The following PDGFRA variants were observed in gnomAD, a reference collection of about 807,000 sequenced individuals.
PDGFRA encodes platelet-derived growth factor receptor alpha.
Under a neutral mutation model 121.5 loss-of-function variants are expected in PDGFRA, and 25 were observed. That is an observed-to-expected ratio of 0.21 (90% CI 0.15 to 0.29). The LOEUF is 0.29. Ranked by LOEUF, PDGFRA falls within the 10% of genes least tolerant of loss-of-function variation. PDGFRA has a pLI of 1.00. For synonymous variants in PDGFRA, 463 were observed against 494.8 expected, an observed-to-expected ratio of 0.94 and a Z score of 0.85; for missense variants, 1,008 against 1,345.1, an observed-to-expected ratio of 0.75 and a Z score of 3.92.
chr4:54,235,645 G>A (rs1720966885), intron 1 of PDGFRA, among the ~76,000 whole-genome samples: 1 of 152,210 alleles, frequency 6.6e-6, no homozygotes, highest in African/African-American at 2.4e-5. Flanking sequence ...GCTGGTGTGG[G>A]CTGAATCAGA....
intron 16 of PDGFRA, among the ~76,000 whole-genome samples, chr4:54,284,675 C>CT (rs2110333627): frequency 6.6e-6 from 1 of 151,644 alleles, no homozygotes; most frequent in Admixed American, 6.6e-5. Flanking sequence ...GGGGATGGTG[C>CT]TAAACCATTT....
chr4:54,285,627 G>A (rs776150907), intron 17 of PDGFRA, 141 bp downstream of exon 17: 36 of 734,658 alleles, frequency 4.9e-5, no homozygotes, highest in African/African-American at 6.9e-5. Flanking sequence ...CATCCCCTAC[G>A]CAGGTCAGGG....
intron 16 of PDGFRA, 124 bp downstream of exon 16, chr4:54,280,606 A>G: frequency 1.3e-6 from 1 of 759,382 alleles, no homozygotes; most frequent in Non-Finnish European, 2.3e-6. Flanking sequence ...TGGTCTCTAA[A>G]TGCAGGTCTG....
intron 1 of PDGFRA, among the ~76,000 whole-genome samples, chr4:54,256,338 C>T (rs1484084671): frequency 2.6e-5 from 4 of 152,008 alleles, no homozygotes; most frequent in Non-Finnish European, 4.4e-5. Flanking sequence ...GGGGTTCAAG[C>T]GATTCTCCTG....
At chr4:54,238,541 A>G (rs1254776333) in intron 1 of PDGFRA, among the ~76,000 whole-genome samples, 1 of 152,208 alleles carries the variant, frequency 6.6e-6, no homozygotes, top group Non-Finnish European at 1.5e-5. Context: ...TTCATCTTGA[A>G]TAGGGCCTAG....
intron 1 of PDGFRA, among the ~76,000 whole-genome samples, chr4:54,257,677 A>G (rs1417281957): frequency 6.6e-6 from 1 of 152,088 alleles, no homozygotes; most frequent in African/African-American, 2.4e-5. Context: ...GTTCCTTCTC[A>G]CTGACTTCAC....
intron 15 of PDGFRA, chr4:54,279,027 TTGG>T (rs1345696688): frequency 1.4e-5 from 5 of 348,296 alleles, no homozygotes; most frequent in Non-Finnish European, 2.9e-5. Context: ...AATAAATTAC[TTGG>T]TGGACACCAA....
chr4:54,253,235 G>A (rs1391686302), intron 1 of PDGFRA, among the ~76,000 whole-genome samples: 4 of 152,150 alleles, frequency 2.6e-5, no homozygotes, highest in Non-Finnish European at 5.9e-5. Context: ...AATATTATGG[G>A]AGTCTGCAGA....
At chr4:54,294,592 C>G (rs1376652612) in intron 22 of PDGFRA, among the ~76,000 whole-genome samples, 4 of 151,996 alleles carry the variant, frequency 2.6e-5, no homozygotes, top group Non-Finnish European at 5.9e-5. Context: ...TCAGCCACTT[C>G]TCTAGTACGT....
intron 1 of PDGFRA, among the ~76,000 whole-genome samples, chr4:54,257,768 A>T (rs1383213952): frequency 6.6e-6 from 1 of 152,144 alleles, no homozygotes; most frequent in Non-Finnish European, 1.5e-5. Flanking sequence ...TAAAGAAGAG[A>T]GGTCTTTTCA....
intron 17 of PDGFRA, 150 bp downstream of exon 17, chr4:54,285,636 G>A (rs1560489155): frequency 1.3e-6 from 1 of 740,960 alleles, no homozygotes; most frequent in South Asian, 1.5e-5. Context: ...CGCAGGTCAG[G>A]GAGTCTGAAA....
intron 1 of PDGFRA, among the ~76,000 whole-genome samples, chr4:54,244,093 T>C (rs1484150349): frequency 6.6e-6 from 1 of 152,108 alleles, no homozygotes; most frequent in African/African-American, 2.4e-5. Flanking sequence ...CCACCACAGC[T>C]CAAGGAGGCC....
Position 54,270,622 on chromosome 4 carries a change from T to A in PDGFRA, c.1122-11T>A, listed in dbSNP as rs766107142. ...CTACTGCTTGTTGAAACAAAATCCT[T>A]TTTTTAAAAGGTATCGAAGCAAATT... On this transcript the variant is annotated splice_polypyrimidine_tract_variant and intron_variant, in intron 7 of 22. Transcript: ENST00000257290. The A allele has an allele frequency of 2.0e-6, 3 of 1,513,840 alleles. No homozygotes were observed. The highest frequency in any genetic ancestry group is 2.8e-6 in the Non-Finnish European group (3 of 1,089,426). The allele number at this position is 1,513,840 out of a possible 1,614,324, so 93.8% of individuals were successfully genotyped here. A position where few individuals can be genotyped will look rare whatever the true frequency, so the allele number is the denominator to read the frequency against.
rs578031901 is a variant in PDGFRA, at chr4:54,231,891, G to A, written c.-13+2476G>A. On this transcript the variant is annotated intron_variant, in intron 1 of 22. Transcript: ENST00000257290. ...CTGGGCCAGTTTCCTCTCGGGACGCGGACTGAGGAGGGATGCAGGGGGAGG... is the reference window on the plus strand; with the variant it reads ...CTGGGCCAGTTTCCTCTCGGGACGCAGACTGAGGAGGGATGCAGGGGGAGG... Among the ~76,000 whole-genome samples, 15 of 152,378 alleles carry A rather than the reference G, an allele frequency of 9.8e-5. No homozygotes were observed. The South Asian group carries it at 2.7e-3, about 27-fold the overall frequency.
intron 1 of PDGFRA, among the ~76,000 whole-genome samples, chr4:54,231,956 G>C (rs2110164350): frequency 6.6e-6 from 1 of 152,348 alleles, no homozygotes; most frequent in Admixed American, 6.5e-5. Context: ...CACGTCTGGC[G>C]CCGAGGCGGG....
At position 54,289,118 on chromosome 4, in the gene PDGFRA, T is replaced by A. The variant is rs2110346032; in HGVS notation, c.2880+4T>A. 4 of 1,493,722 alleles carry A rather than the reference T, an allele frequency of 2.7e-6. No individual in the cohort carries two copies. The highest frequency in any genetic ancestry group is 3.7e-6 in the Non-Finnish European group (4 of 1,070,338). 92.5% of individuals were successfully genotyped at this position (1,493,722 alleles called of 1,614,324 possible). On this transcript the variant is annotated splice_donor_region_variant and intron_variant, in intron 21 of 22. Coordinates refer to ENST00000257290, the MANE Select transcript of PDGFRA (RefSeq NM_006206.6). The stretch of plus-strand genomic sequence containing the variant: ...GCTGCCTGGACAATATAAAAAGGTG[T>A]GTTTGGATCTGTGGGTGGAAAGGTC...
At chr4:54,278,669 T>C (rs1419025721) in intron 15 of PDGFRA, 154 bp downstream of exon 15, 3 of 693,886 alleles carry the variant, frequency 4.3e-6, no homozygotes, top group African/African-American at 3.5e-5. Flanking sequence ...TCCATGGTCA[T>C]GCAGAGAGAT....
At chr4:54,279,821 G>A (rs1180350855) in intron 15 of PDGFRA, among the ~76,000 whole-genome samples, 2 of 151,950 alleles carry the variant, frequency 1.3e-5, no homozygotes, top group African/African-American at 4.8e-5. Flanking sequence ...CCATTTCTGA[G>A]TTACTTCACT....
Position 54,272,464 on chromosome 4 carries a change from A to C in PDGFRA, c.1308A>C (p.Thr436=). 6.2e-7 allele frequency: 1 copy of C among 1,614,074 alleles called. No individual in the cohort carries two copies. The highest frequency in any genetic ancestry group is 8.5e-7 in the Non-Finnish European group (1 of 1,179,954). The change falls in exon 9 of 23, where the codon ACA becomes ACC. Residue 436 remains threonine (T), a synonymous_variant. Coordinates refer to ENST00000257290, the MANE Select transcript of PDGFRA (RefSeq NM_006206.6). The stretch of plus-strand genomic sequence containing the variant: ...CTGGGGGACAGACGGTGAGGTGCAC[A>C]GCTGAAGGCACGCCGCTTCCTGATA... ...GSTGGQTVRC[T]AEGTPLPDIE...
Sources: allele counts gnomAD v4.1 joint callset (sites outside exome capture counted in the v4.1 genomes callset), GRCh38; gene constraint gnomAD v4.1.1; transcripts MANE v1.5; gene names NCBI Gene and HGNC (gene_info 2026-07-23, HGNC 2026-07-21).